The following PCDH20 variants were observed in gnomAD, a reference collection of about 807,000 sequenced individuals.
The protein encoded by PCDH20 is protocadherin 20, also known as protocadherin-20.
A neutral mutation model predicts 39.7 loss-of-function variants in PCDH20; 18 were observed. The observed-to-expected ratio is 0.45, with a 90% confidence interval of 0.31 to 0.67. The LOEUF is 0.67. PCDH20 is among the 30% of genes least tolerant of loss of function. PCDH20 has a pLI of 0.05. For synonymous variants in PCDH20, 495 were observed against 455.4 expected, an observed-to-expected ratio of 1.09 and a Z score of -1.11; for missense variants, 1,161 against 1,167.4, an observed-to-expected ratio of 0.99 and a Z score of 0.08.
At chr13:61,414,749 C>T (rs548393097) in intron 1 of PCDH20, among the ~76,000 whole-genome samples, 1 of 152,262 alleles carries the variant, frequency 6.6e-6, no homozygotes, top group East Asian at 1.9e-4. Flanking sequence ...GAAACGATCC[C>T]GAACCCCTGT....
At chr13:61,412,860 A>G in exon 2 of PCDH20, 2 of 1,614,074 alleles carry the variant, frequency 1.2e-6, no homozygotes, top group Non-Finnish European at 1.7e-6. Flanking sequence ...TAATGGACAC[A>G]AGAGCAGTGA....
chr13:61,411,789 G>C, exon 2 of PCDH20: 1 of 1,614,144 alleles, frequency 6.2e-7, no homozygotes, highest in Non-Finnish European at 8.5e-7. Flanking sequence ...TGTCTTTGTC[G>C]ACAGCATAGA....
At chr13:61,413,800 T>A (rs1174563696) in exon 2 of PCDH20, 15 of 1,613,068 alleles carry the variant, frequency 9.3e-6, no homozygotes, top group Non-Finnish European at 1.3e-5. Flanking sequence ...CGACTGCGGG[T>A]CCGGCCTCCC....
At position 61,415,287 on chromosome 13, in the gene PCDH20, C is replaced by T; in HGVS notation, c.-129G>A. 1 of 1,147,236 alleles carries T rather than the reference C, an allele frequency of 8.7e-7. No individual in the cohort carries two copies. 71.1% of individuals were successfully genotyped at this position (1,147,236 alleles called of 1,614,324 possible). A position where few individuals can be genotyped will look rare whatever the true frequency, so the allele number is the denominator to read the frequency against. On this transcript the variant is annotated 5_prime_UTR_variant, in exon 1 of 2. An upstream open reading frame in the 5' UTR loses its in-frame stop. Transcript: ENST00000409204. ...GGCTCTTCAATTAAGGACGGGAACT[C>T]AAAGAGTGGCAGAAAGGCAAGAGGG...
chr13:61,413,447 C>T, exon 2 of PCDH20: 3 of 1,613,946 alleles, frequency 1.9e-6, no homozygotes. Flanking sequence ...TTTTCCGGGA[C>T]CCACACCGAG....
exon 2 of PCDH20, chr13:61,412,341 A>G: frequency 6.2e-7 from 1 of 1,614,152 alleles, no homozygotes; most frequent in Non-Finnish European, 8.5e-7. Context: ...TTCCTGTGAC[A>G]CTGTCTAAGG....
At chr13:61,415,228 C>A (rs552681186) in exon 1 of PCDH20, 15 of 1,290,978 alleles carry the variant, frequency 1.2e-5, no homozygotes, top group African/African-American at 6.1e-5. Context: ...TCGGTTCATG[C>A]AAATCGCTGG....
chr13:61,412,914 C>T, exon 2 of PCDH20: 1 of 1,614,140 alleles, frequency 6.2e-7, no homozygotes, highest in Non-Finnish European at 8.5e-7. Flanking sequence ...GGATGGTGAG[C>T]TTGTGGGACT....
chr13:61,411,355 T>G (rs1208348270), exon 2 of PCDH20: 2 of 1,614,132 alleles, frequency 1.2e-6, no homozygotes, highest in Non-Finnish European at 1.7e-6. Flanking sequence ...CTTTTCCCCT[T>G]TCCTTAAACA....
exon 2 of PCDH20, chr13:61,411,176 T>G: frequency 7.3e-7 from 1 of 1,370,074 alleles, no homozygotes; most frequent in Non-Finnish European, 1.0e-6. Flanking sequence ...ATCAACACAC[T>G]CTTTTTTAGG....
At chr13:61,411,810 C>G in exon 2 of PCDH20, 1 of 1,614,100 alleles carries the variant, frequency 6.2e-7, no homozygotes, top group Non-Finnish European at 8.5e-7. Flanking sequence ...CTTCTGTAAC[C>G]GGGGAGCCTG....
chr13:61,413,696 T>C lies in PCDH20; in HGVS notation c.403A>G (p.Asn135Asp), dbSNP rs768018015. 1.7e-5 allele frequency: 27 copies of C among 1,613,848 alleles called. No individual in the cohort carries two copies. In the African/African-American group the frequency reaches 3.5e-4, roughly 21 times the overall value. ...GAAGTGTGCAGCTCCCCAGAGCGGTTGTCTAGGGTCACGTACTGGCCACTC... is the reference window on the plus strand; with the variant it reads ...GAAGTGTGCAGCTCCCCAGAGCGGTCGTCTAGGGTCACGTACTGGCCACTC... Residue 135 changes from asparagine to aspartate, a missense_variant, in exon 2 of 2, where the codon AAC becomes GAC. By Grantham distance (23) the Asn-to-Asp change is conservative. This residue lies in a region of PCDH20 where 401 missense variants were observed against 368.7 expected (regional missense o/e 1.09). Coordinates refer to ENST00000409204, the Ensembl canonical transcript of PCDH20.
rs1871525646 is a variant in PCDH20, at chr13:61,415,360, T to C, written c.-202A>G. 1.9e-6 allele frequency: 1 copy of C among 535,744 alleles called. No homozygotes were observed. The highest frequency in any genetic ancestry group is 2.9e-6 in the Non-Finnish European group (1 of 350,682). The allele number at this position is 535,744 out of a possible 1,614,324, so 33.2% of individuals were successfully genotyped here. A position where few individuals can be genotyped will look rare whatever the true frequency, so the allele number is the denominator to read the frequency against. ...CCTGCCCCGGACGCAGGTAACTCCA[T>C]ACTCTGCCAGAGGAGCTGGAATGGG... is the stretch of plus-strand genomic sequence containing the variant. On this transcript the variant is annotated 5_prime_UTR_variant, in exon 1 of 2. The change abolishes an upstream ATG in the 5' untranslated region. Coordinates refer to ENST00000409204, the Ensembl canonical transcript of PCDH20.
exon 2 of PCDH20, chr13:61,413,930 T>G: frequency 6.2e-7 from 1 of 1,612,410 alleles, no homozygotes; most frequent in Non-Finnish European, 8.5e-7. Context: ...CCGAGGCAGC[T>G]GAAGGGTCCC....
rs1390914976 is a variant in PCDH20, at chr13:61,415,345, AC to A, written c.-188del. 1 of 606,008 alleles carries A rather than the reference AC, an allele frequency of 1.7e-6. No individual in the cohort carries two copies. The highest frequency in any genetic ancestry group is 3.5e-5 in the East Asian group (1 of 28,318). The allele number at this position is 606,008 out of a possible 1,614,324, so 37.5% of individuals were successfully genotyped here. A position where few individuals can be genotyped will look rare whatever the true frequency, so the allele number is the denominator to read the frequency against. Reference sequence around the variant, plus strand: ...GCACATTCATGGTTTCCTGCCCCGGACGCAGGTAACTCCATACTCTGCCAGA... The same window carrying A: ...GCACATTCATGGTTTCCTGCCCCGGAGCAGGTAACTCCATACTCTGCCAGA... On this transcript the variant is annotated 5_prime_UTR_variant, in exon 1 of 2. It removes the in-frame stop codon of an upstream open reading frame in the 5' UTR. Transcript: ENST00000409204.
chr13:61,411,574 A>G (rs747837039), exon 2 of PCDH20: 1 of 1,614,212 alleles, frequency 6.2e-7, no homozygotes, highest in Non-Finnish European at 8.5e-7. Flanking sequence ...GTCATTGACA[A>G]ATAGGTTCAC....
At chr13:61,414,958 C>G (rs1360453014) in intron 1 of PCDH20, 69 bp downstream of exon 1, 2 of 1,290,566 alleles carry the variant, frequency 1.5e-6, no homozygotes, top group Non-Finnish European at 2.0e-6. Context: ...GAAAAACCAT[C>G]CGAGTGGGAA....
At chr13:61,409,799 C>A (rs906671140) in exon 2 of PCDH20, 1 of 151,908 alleles carries the variant, frequency 6.6e-6, no homozygotes, top group Non-Finnish European at 1.5e-5. Flanking sequence ...AAATGACAGG[C>A]ACTTCAGTGA....
Position 61,412,151 on chromosome 13 carries a change from C to A in PCDH20, c.1948G>T (p.Glu650Ter). ...ATCTCACCATAGCCTGGAAAGTTTT[C>A]AGGCACAAAAAAGCTGAAGTCCTTG... is the stretch of plus-strand genomic sequence containing the variant. Residue 650 changes from glutamate to a stop codon, truncating the protein, a stop_gained, in exon 2 of 2, where the codon GAA becomes TAA. Transcript: ENST00000409204. LOFTEE classifies it low-confidence loss of function (END_TRUNC). 1 of 1,614,118 alleles carries A rather than the reference C, an allele frequency of 6.2e-7. No individual in the cohort carries two copies. Among genetic ancestry groups the A allele is most frequent in the Non-Finnish European group, 8.5e-7 (1 of 1,180,036 alleles).
Sources: gnomAD v4.1 joint callset for allele counts (sites outside exome capture counted in the v4.1 genomes callset) on GRCh38, gnomAD v4.1.1 for gene constraint, gnomAD v4.1.1 regional missense constraint, MANE v1.5 for transcripts, NCBI Gene and HGNC (gene_info 2026-07-23, HGNC 2026-07-21) for gene names.